The following SPRED2 variants were observed in gnomAD, a reference collection of about 807,000 sequenced individuals.
The protein encoded by SPRED2 is sprouty-related, EVH1 domain-containing protein 2.
SPRED2 carries 47 observed loss-of-function variants against 43.0 expected under a neutral mutation model. The observed-to-expected ratio is 1.09, with a 90% CI of 0.87 to 1.40. The LOEUF (loss-of-function observed/expected upper bound fraction) is 1.40. Among genes scored for constraint, SPRED2 ranks in the 40% most tolerant of loss-of-function variants. The probability of loss-of-function intolerance (pLI) is 0.00; values close to 1 mark genes in which losing one functional copy is unlikely to be tolerated. For missense variants in SPRED2, 561 were observed against 586.4 expected, an observed-to-expected ratio of 0.96 and a Z score of 0.45; for synonymous variants, 225 against 225.7, an observed-to-expected ratio of 1.00 and a Z score of 0.03.
intron 1 of SPRED2, among the ~76,000 whole-genome samples, chr2:65,347,667 A>C (rs896764302): frequency 5.3e-5 from 8 of 152,080 alleles, no homozygotes; most frequent in African/African-American, 1.9e-4. Context: ...AACCTTCTAC[A>C]TACCAACAGT....
At chr2:65,397,770 A>G (rs1675790845) in intron 1 of SPRED2, among the ~76,000 whole-genome samples, 1 of 152,198 alleles carries the variant, frequency 6.6e-6, no homozygotes, top group Non-Finnish European at 1.5e-5. Context: ...TACCTGAGCT[A>G]CATGGATGAG....
At chr2:65,393,563 G>C (rs1450343777) in intron 1 of SPRED2, among the ~76,000 whole-genome samples, 3 of 152,018 alleles carry the variant, frequency 2.0e-5, no homozygotes, top group Non-Finnish European at 1.5e-5. Context: ...TCGAACTCCT[G>C]ACCTCAAATG....
At chr2:65,422,528 T>C (rs1233301742) in intron 1 of SPRED2, among the ~76,000 whole-genome samples, 2 of 152,226 alleles carry the variant, frequency 1.3e-5, no homozygotes, top group Non-Finnish European at 2.9e-5. Context: ...ATGGTAGGCA[T>C]TCAATGGCTA....
At chr2:65,382,007 T>C (rs1432326605) in intron 1 of SPRED2, among the ~76,000 whole-genome samples, 1 of 152,154 alleles carries the variant, frequency 6.6e-6, no homozygotes, top group Non-Finnish European at 1.5e-5. Context: ...TCCCAATATA[T>C]GTCTGCGCTT....
At chr2:65,366,560 A>G (rs1674985125) in intron 1 of SPRED2, 2 of 1,547,230 alleles carry the variant, frequency 1.3e-6, no homozygotes, top group South Asian at 1.2e-5. Context: ...CAATGAAAAA[A>G]TAAAGTTCAT....
intron 4 of SPRED2, among the ~76,000 whole-genome samples, chr2:65,327,159 A>G (rs1277255393): frequency 4.6e-5 from 7 of 152,112 alleles, no homozygotes; most frequent in Admixed American, 4.6e-4. Context: ...CACGGCCTCT[A>G]AATTTTAAAG....
chr2:65,381,570 C>G (rs981508520), intron 1 of SPRED2, among the ~76,000 whole-genome samples: 3 of 152,220 alleles, frequency 2.0e-5, no homozygotes, highest in Non-Finnish European at 2.9e-5. Context: ...TACCTTCATA[C>G]AGCAAGCCCT....
chr2:65,404,708 C>T (rs1675982260), intron 1 of SPRED2, among the ~76,000 whole-genome samples: 3 of 152,300 alleles, frequency 2.0e-5, no homozygotes, highest in South Asian at 4.1e-4. Context: ...CTTTGGGACA[C>T]AAGATCAAAG....
intron 4 of SPRED2, among the ~76,000 whole-genome samples, chr2:65,323,648 G>A (rs554356243): frequency 1.3e-5 from 2 of 151,828 alleles, no homozygotes; most frequent in South Asian, 4.2e-4. Context: ...AGGCTGAGGC[G>A]GGCAGATCAC....
At chr2:65,331,907 T>G (rs1414438785) in intron 4 of SPRED2, 80 bp downstream of exon 4, 2 of 1,059,356 alleles carry the variant, frequency 1.9e-6, no homozygotes, top group Non-Finnish European at 2.8e-6. Context: ...CATTGCAAAG[T>G]GTGCCTCATG....
chr2:65,368,186 A>G (rs1188311594), intron 1 of SPRED2, among the ~76,000 whole-genome samples: 1 of 152,252 alleles, frequency 6.6e-6, no homozygotes, highest in Admixed American at 6.5e-5. Context: ...ACACCTCAGC[A>G]AACAGCTGAC....
chr2:65,364,349 T>A (rs891114583), intron 1 of SPRED2, among the ~76,000 whole-genome samples: 1 of 152,242 alleles, frequency 6.6e-6, no homozygotes, highest in Admixed American at 6.5e-5. Flanking sequence ...GCTCTGAACA[T>A]AGGCAGCGTC....
chr2:65,322,501 G>C (rs2104155390), intron 4 of SPRED2, among the ~76,000 whole-genome samples: 1 of 151,806 alleles, frequency 6.6e-6, no homozygotes, highest in Non-Finnish European at 1.5e-5. Context: ...CACCTTGTTA[G>C]CCAGGATGGT....
Position 65,401,937 on chromosome 2 carries a change from G to GCGCGCA in SPRED2, c.26+30024_26+30025insTGCGCG, listed in dbSNP as rs776512353. Reference sequence around the variant, plus strand: ...ACGATCAGAATATTAGCGCGCGCGCGCACACACACACACACACACACACAC... The same window carrying GCGCGCA: ...ACGATCAGAATATTAGCGCGCGCGCGCGCGCACACACACACACACACACACACACAC... On this transcript the variant is annotated intron_variant, in intron 1 of 5. Transcript: ENST00000356388. Among the ~76,000 whole-genome samples the GCGCGCA allele has an allele frequency of 5.3e-3, 610 of 114,746 alleles. 5 individuals carry two copies. The highest frequency in any genetic ancestry group is 0.011 in the African/African-American group (315 of 29,626). 75.3% of individuals were successfully genotyped at this position (114,746 alleles called of 152,430 possible). A position where few individuals can be genotyped will look rare whatever the true frequency, so the allele number is the denominator to read the frequency against.
chr2:65,382,453 C>T (rs1300470515), intron 1 of SPRED2, among the ~76,000 whole-genome samples: 2 of 150,892 alleles, frequency 1.3e-5, no homozygotes, highest in Non-Finnish European at 2.9e-5. Flanking sequence ...GGCTGGGTAA[C>T]CCCCCCTCAG....
intron 2 of SPRED2, among the ~76,000 whole-genome samples, chr2:65,339,532 CTCG>C (rs1674115031): frequency 6.6e-6 from 1 of 150,444 alleles, no homozygotes; most frequent in Middle Eastern, 3.2e-3. Context: ...AGGCAGCATG[CTCG>C]TTAAGAGTCA....
chr2:65,320,702 AG>A (rs1673385397), intron 4 of SPRED2, among the ~76,000 whole-genome samples: 1 of 152,210 alleles, frequency 6.6e-6, no homozygotes, highest in Non-Finnish European at 1.5e-5. Flanking sequence ...TTGGAAGCCA[AG>A]GCTATTTCAG....
At chr2:65,376,755 C>T (rs2103628216) in intron 1 of SPRED2, among the ~76,000 whole-genome samples, 1 of 152,246 alleles carries the variant, frequency 6.6e-6, no homozygotes, top group East Asian at 1.9e-4. Context: ...CACTCTGTTG[C>T]CCAGTCTGGA....
chr2:65,398,978 G>GAT (rs1438752907), intron 1 of SPRED2, among the ~76,000 whole-genome samples: 24 of 152,324 alleles, frequency 1.6e-4, no homozygotes, highest in South Asian at 6.2e-4. Flanking sequence ...CCAACAAGTG[G>GAT]ATAGAGAAAA....
Sources: gnomAD v4.1 joint callset for allele counts (sites outside exome capture counted in the v4.1 genomes callset) on GRCh38, gnomAD v4.1.1 for gene constraint, MANE v1.5 for transcripts, NCBI Gene and HGNC (gene_info 2026-07-23, HGNC 2026-07-21) for gene names.